Variants in SIM2 observed in about 807,000 individuals in gnomAD.
SIM2 encodes single-minded homolog 2.
A neutral mutation model predicts 64.8 loss-of-function variants in SIM2; 28 were observed. That is an observed-to-expected ratio of 0.43 (90% CI 0.32 to 0.59). The LOEUF (loss-of-function observed/expected upper bound fraction) is 0.59. Among genes scored for constraint, SIM2 ranks in the 20% least tolerant of loss-of-function variants. SIM2 has a pLI of 0.07. For missense variants in SIM2, 847 were observed against 871.4 expected, an observed-to-expected ratio of 0.97 and a Z score of 0.35; for synonymous variants, 408 against 391.1, an observed-to-expected ratio of 1.04 and a Z score of -0.51.
rs149424247 is a variant in SIM2, at chr21:36,733,167, G to A, written c.850+2016G>A. ...CAAGAGAAGACTTGCTCTTCACAGC[G>A]GGCTGAAAGGCAGGAAATTAGGCCT... is the stretch of plus-strand genomic sequence containing the variant. On this transcript the variant is annotated intron_variant, in intron 7 of 10. Coordinates refer to ENST00000290399, the MANE Select transcript of SIM2 (RefSeq NM_005069.6). 3.0e-3 allele frequency among the ~76,000 whole-genome samples: 463 copies of A among 152,296 alleles called. 2 individuals are homozygous for A. Among genetic ancestry groups the A allele is most frequent in the African/African-American group, 0.01 (420 of 41,566 alleles).
rs530335250 is a variant in SIM2 at position 36,745,950 on chromosome 21, G to A, written c.1576+814G>A. On this transcript the variant is annotated intron_variant, in intron 10 of 10. Transcript: ENST00000290399. The surrounding 1 kb of genome is among the most constrained non-coding windows in gnomAD (Gnocchi z 4.8). ...CCCATTGCACCGAGACCTAACTGCC[G>A]CTCAGAGTGTAGACCGAGATGGTGC... is the stretch of plus-strand genomic sequence containing the variant. 54 of 1,242,542 alleles carry A rather than the reference G, an allele frequency of 4.3e-5. No homozygotes were observed. Among genetic ancestry groups the A allele is most frequent in the African/African-American group, 1.4e-4 (9 of 65,230 alleles). The allele number at this position is 1,242,542 out of a possible 1,614,324, so 77.0% of individuals were successfully genotyped here.
chr21:36,711,690 C>A (rs550652989), intron 2 of SIM2, among the ~76,000 whole-genome samples: 54 of 152,262 alleles, frequency 3.5e-4, no homozygotes, highest in Non-Finnish European at 6.6e-4. Context: ...GAGTCTTTCA[C>A]CAACTTTATT....
chr21:36,710,043 C>A (rs1220949690), intron 2 of SIM2: 2 of 155,820 alleles, frequency 1.3e-5, no homozygotes, highest in African/African-American at 4.8e-5. Flanking sequence ...ATCTCCTGAC[C>A]TCCGATGATC....
At chr21:36,741,684 C>T (rs371586243) in intron 7 of SIM2, 33 bp from the exon 8 acceptor site, 139 of 1,607,814 alleles carry the variant, frequency 8.6e-5, no homozygotes, top group Non-Finnish European at 1.1e-4. Flanking sequence ...GCCTGCGAAG[C>T]GTCTGAGGAC....
intron 5 of SIM2, among the ~76,000 whole-genome samples, chr21:36,724,536 C>A (rs536429664): frequency 2.6e-5 from 4 of 152,320 alleles, no homozygotes; most frequent in African/African-American, 9.6e-5. Flanking sequence ...GCCTTGGCCT[C>A]CCAAAGTGTC....
At chr21:36,702,622 G>A (rs187275464) in intron 1 of SIM2, among the ~76,000 whole-genome samples, 1 of 152,338 alleles carries the variant, frequency 6.6e-6, no homozygotes, top group Admixed American at 6.5e-5. Context: ...CACCCTTCCA[G>A]TAGCTCCAAA....
intron 7 of SIM2, among the ~76,000 whole-genome samples, chr21:36,734,365 G>C (rs78987641): frequency 1.3e-5 from 2 of 152,202 alleles, no homozygotes; most frequent in African/African-American, 4.8e-5. Flanking sequence ...AAAGGTAGGC[G>C]TGTTTAGAAA....
At position 36,726,731 on chromosome 21, in the gene SIM2, T is replaced by C. The variant is rs2088896747; in HGVS notation, c.743+413T>C. ...TAGAACAAACAGAAAATTTCCACCC[T>C]GTGTGCGGTGTGTGGGGGGCCTTGG... On this transcript the variant is annotated intron_variant, in intron 6 of 10. Coordinates refer to ENST00000290399, the MANE Select transcript of SIM2 (RefSeq NM_005069.6). The surrounding 1 kb of genome is among the most constrained non-coding windows in gnomAD (Gnocchi z 4.5). Among the ~76,000 whole-genome samples, 2 of 152,156 alleles carry C rather than the reference T, an allele frequency of 1.3e-5. No homozygotes were observed. The highest frequency in any genetic ancestry group is 2.4e-5 in the African/African-American group (1 of 41,440).
At chr21:36,722,345 G>C (rs1243821595) in intron 4 of SIM2, among the ~76,000 whole-genome samples, 1 of 152,188 alleles carries the variant, frequency 6.6e-6, no homozygotes, top group Non-Finnish European at 1.5e-5. Flanking sequence ...AGGGAGGGTG[G>C]AAGACTTTGC....
chr21:36,735,851 C>T (rs1230641508), intron 7 of SIM2, among the ~76,000 whole-genome samples: 1 of 152,122 alleles, frequency 6.6e-6, no homozygotes, highest in Non-Finnish European at 1.5e-5. Context: ...GGTGGGAGGC[C>T]CCATTTTGAA....
chr21:36,740,021 A>G (rs753486445), intron 7 of SIM2, among the ~76,000 whole-genome samples: 9 of 64,806 alleles, frequency 1.4e-4, no homozygotes, highest in Admixed American at 4.2e-4. Context: ...GAAAGAAAGA[A>G]AGAAAGAAAG....
chr21:36,717,775 C>T (rs1205366199), intron 3 of SIM2, among the ~76,000 whole-genome samples: 1 of 152,158 alleles, frequency 6.6e-6, no homozygotes, highest in Non-Finnish European at 1.5e-5. Context: ...CGCACCTGGA[C>T]AGGCCTTCCC....
chr21:36,740,466 C>T (rs1203690533), intron 7 of SIM2, among the ~76,000 whole-genome samples: 9 of 152,092 alleles, frequency 5.9e-5, no homozygotes, highest in African/African-American at 2.2e-4. Flanking sequence ...GCCTATATTG[C>T]TTTTAGGGTC....
intron 2 of SIM2, among the ~76,000 whole-genome samples, 177 bp from the exon 3 acceptor site, chr21:36,712,356 C>G (rs954594983): frequency 6.6e-6 from 1 of 152,178 alleles, no homozygotes; most frequent in African/African-American, 2.4e-5. Context: ...GGGAACTAAA[C>G]CCTGGGTGCT....
At chr21:36,737,194 G>A (rs1019279203) in intron 7 of SIM2, among the ~76,000 whole-genome samples, 50 of 152,308 alleles carry the variant, frequency 3.3e-4, no homozygotes, top group South Asian at 8.3e-4. Flanking sequence ...CTCCCAAAGT[G>A]TTGGGATTAC....
intron 3 of SIM2, among the ~76,000 whole-genome samples, chr21:36,714,940 T>A (rs566907478): frequency 6.6e-6 from 1 of 152,194 alleles, no homozygotes; most frequent in Admixed American, 6.5e-5. Flanking sequence ...AAACTTTGCA[T>A]CATAATTTTG....
At chr21:36,718,413 C>T (rs1415688993) in intron 3 of SIM2, among the ~76,000 whole-genome samples, 1 of 152,212 alleles carries the variant, frequency 6.6e-6, no homozygotes, top group Non-Finnish European at 1.5e-5. Flanking sequence ...TGTCTCTCCT[C>T]TGATGGAGAG....
chr21:36,747,744 G>A lies in SIM2; in HGVS notation c.1656G>A (p.Glu552=), dbSNP rs1241783500. The change falls in exon 11 of 11, where the codon GAG becomes GAA. Residue 552 remains glutamate, a synonymous_variant. Transcript: ENST00000290399. This position sits in a 1 kb window ranked among gnomAD's most constrained non-coding sequence, Gnocchi z 4.5. Reference sequence around the variant, plus strand: ...CGAGCTGCGGCCACTACCGCGAGGAGCCCGCGCTGGGCCCGGCCAAAGCCG... The same window carrying A: ...CGAGCTGCGGCCACTACCGCGAGGAACCCGCGCTGGGCCCGGCCAAAGCCG... ...SFPSCGHYRE[E]PALGPAKAAR... The A allele has an allele frequency of 9.0e-6, 11 of 1,217,258 alleles. No homozygotes were observed. The highest frequency in any genetic ancestry group is 4.0e-5 in the Admixed American group (1 of 24,770). 75.4% of individuals were successfully genotyped at this position (1,217,258 alleles called of 1,614,324 possible).
Position 36,726,325 on chromosome 21 carries a change from T to G in SIM2, c.743+7T>G, listed in dbSNP as rs1448034687. On this transcript the variant is annotated splice_region_variant and intron_variant, in intron 6 of 10. Transcript: ENST00000290399. This position sits in a 1 kb window ranked among gnomAD's most constrained non-coding sequence, Gnocchi z 4.5. ...TGATATTCCTGGATTCCAGGTGAGT[T>G]CGGCACCTGCCACAGTGGCTGTGGC... The G allele has an allele frequency of 3.7e-6, 6 of 1,606,750 alleles. No individual in the cohort carries two copies. The highest frequency in any genetic ancestry group is 4.2e-6 in the Non-Finnish European group (5 of 1,176,666).
Sources: gnomAD v4.1 joint callset for allele counts (sites outside exome capture counted in the v4.1 genomes callset) on GRCh38, gnomAD v4.1.1 for gene constraint, Gnocchi (gnomAD v3.1) non-coding constraint, MANE v1.5 for transcripts, NCBI Gene and HGNC (gene_info 2026-07-23, HGNC 2026-07-21) for gene names.